PRRC2A: variants seen among roughly 807,000 people sequenced by gnomAD.
PRRC2A encodes the protein proline rich coiled-coil 2A.
In PRRC2A, 59 loss-of-function variants were observed where a neutral mutation model predicts 224.6. That is an observed-to-expected ratio of 0.26 (90% confidence interval 0.21 to 0.33). PRRC2A has a LOEUF of 0.33. Among genes scored for constraint, PRRC2A ranks in the 10% least tolerant of loss-of-function variants. The pLI is 1.00. For synonymous variants in PRRC2A, 1,194 were observed against 1,109.5 expected (o/e 1.08, Z -1.51); for missense variants, 3,095 against 2,880.7 (o/e 1.07, Z -1.70).
In PRRC2A at chr6:31,629,572, C is replaced by T; in HGVS notation, c.1981C>T (p.Gln661Ter). Reference protein sequence around the residue: ...QQEQLLKQQQQHQWQQHQQGS... With the variant: ...QQEQLLKQQQ ...GGAGCAGCTCCTGAAGCAGCAGCAG[C>T]AGCACCAGTGGCAGCAGCATCAACA... is the stretch of plus-strand genomic sequence containing the variant. The change falls in exon 14 of 31, where the codon CAG (glutamine) becomes TAG (stop). Residue 661 changes from glutamine (Q) to a stop codon, truncating the protein, a stop_gained. Transcript: ENST00000376033. LOFTEE classifies it high-confidence loss of function. 1 of 1,597,374 alleles carries T rather than the reference C, an allele frequency of 6.3e-7. No homozygotes were observed. The highest frequency in any genetic ancestry group is 8.6e-7 in the Non-Finnish European group (1 of 1,165,732).
At position 31,637,496 on chromosome 6, in the gene PRRC2A, A is replaced by G. The variant is rs1320604504; in HGVS notation, c.6384A>G (p.Thr2128=). 1.3e-6 allele frequency: 2 copies of G among 1,574,236 alleles called. No individual in the cohort carries two copies. Among genetic ancestry groups the G allele is most frequent in the Admixed American group, 1.8e-5 (1 of 54,214 alleles). The part of the protein sequence containing the change: ...LRWIPKPWER[T]GPPPREGPSR... ...GGATACCTAAGCCTTGGGAGCGGAC[A>G]GGGCCGCCACCTCGAGAAGGGCCCT... is the stretch of plus-strand genomic sequence containing the variant. Residue 2128 remains threonine (T), a synonymous_variant, in exon 31 of 31, where the codon ACA becomes ACG. Transcript: ENST00000376033.
In PRRC2A at chr6:31,628,016, C is replaced by T. The variant is rs1041600325; in HGVS notation, c.1542C>T (p.Ala514=). Residue 514 remains alanine (A), a synonymous_variant, in exon 12 of 31, where the codon GCC becomes GCT. Coordinates refer to ENST00000376033, the MANE Select transcript of PRRC2A (RefSeq NM_004638.4). The part of the protein sequence containing the change: ...LKAEPAAPPA[A]PSTPAPPPAV... ...CAGAGCCTGCTGCCCCACCTGCTGC[C>T]CCTTCTACCCCAGCTCCACCACCTG... 2.5e-6 allele frequency: 4 copies of T among 1,602,462 alleles called. No individual in the cohort carries two copies. The Admixed American group carries it at 5.1e-5, about 21-fold the overall frequency.
chr6:31,634,182 A>G (rs1777039265), intron 18 of PRRC2A, 54 bp from the exon 19 acceptor site: 5 of 1,571,498 alleles, frequency 3.2e-6, no homozygotes, highest in Non-Finnish European at 4.3e-6. Flanking sequence ...GGCTTCCTAT[A>G]ATTCCCAATT....
rs1775981606 is a variant in PRRC2A at position 31,626,986 on chromosome 6, G to T, written c.1078G>T (p.Asp360Tyr). The change falls in exon 11 of 31, where the codon GAT becomes TAT. Residue 360 changes from aspartate (D) to tyrosine (Y), a missense_variant. By Grantham distance (160) the Asp-to-Tyr change is radical (BLOSUM62 -3). Around this residue, in one of 8 missense-constraint regions of PRRC2A, gnomAD observed 2,001 missense variants for 1,764.9 expected, o/e 1.13. Transcript: ENST00000376033. ...SDEEGAEGHR[D>Y]SQSASGEERP... ...TCACTGTTGATCTGCTCACAGCAGG[G>T]ATTCCCAATCAGCTTCTGGTGAGGA... 1.2e-6 allele frequency: 2 copies of T among 1,614,080 alleles called. No homozygotes were observed. Among genetic ancestry groups the T allele is most frequent in the African/African-American group, 1.3e-5 (1 of 74,904 alleles).
rs1253174844 is a variant in PRRC2A at position 31,631,290 on chromosome 6, G to A, written c.2617G>A (p.Val873Met). 1.2e-6 allele frequency: 2 copies of A among 1,612,004 alleles called. No homozygotes were observed. The highest frequency in any genetic ancestry group is 1.7e-6 in the Non-Finnish European group (2 of 1,179,670). ...PLPWPPGSDEVAKIQTPPPKK... is the reference protein window; with the variant it reads ...PLPWPPGSDEMAKIQTPPPKK... ...CCCCTGGCCCCCAGGCAGTGATGAAGTGGCCAAGATACAAACTCCACCACC... is the reference window on the plus strand; with the variant it reads ...CCCCTGGCCCCCAGGCAGTGATGAAATGGCCAAGATACAAACTCCACCACC... The change falls in exon 16 of 31, where the codon GTG (valine) becomes ATG (methionine). Residue 873 changes from valine (V) to methionine (M), a missense_variant. By Grantham distance (21) the Val-to-Met change is conservative. This residue lies in a region of PRRC2A where 2,001 missense variants were observed against 1,764.9 expected (regional missense o/e 1.13). Transcript: ENST00000376033. The surrounding 1 kb of genome is among the most constrained non-coding windows in gnomAD (Gnocchi z 4.5).
chr6:31,629,636 C>G lies in PRRC2A; in HGVS notation c.2045C>G (p.Pro682Arg), dbSNP rs771665336. Residue 682 changes from proline to arginine, a missense_variant, in exon 14 of 31, where the codon CCA becomes CGA. Transcript: ENST00000376033. ...APPTPVPPSP[P>R]QPVTLGAVPA... ...CCTACCCCAGTGCCCCCATCACCAC[C>G]ACAGCCTGTGACCCTGGGGGCTGTG... The G allele has an allele frequency of 1.2e-6, 2 of 1,612,436 alleles. No homozygotes were observed. The highest frequency in any genetic ancestry group is 1.7e-6 in the Non-Finnish European group (2 of 1,179,560).
In PRRC2A at chr6:31,623,820, C is replaced by T. The variant is rs375345996; in HGVS notation, c.201C>T (p.Ala67=). The T allele has an allele frequency of 2.4e-5, 38 of 1,614,038 alleles. No homozygotes were observed. The highest frequency in any genetic ancestry group is 2.7e-5 in the African/African-American group (2 of 74,898). ...PPPANLPSLK[A]ENKGNDPNVS... ...CAGCCAACCTTCCAAGCCTGAAAGC[C>T]GAGAACAAAGGCAATGACCCCAATG... Residue 67 remains alanine, a synonymous_variant, in exon 3 of 31, where the codon GCC becomes GCT. Coordinates refer to ENST00000376033, the MANE Select transcript of PRRC2A (RefSeq NM_004638.4).
At chr6:31,622,931 G>T (rs972630980) in intron 2 of PRRC2A, 30 bp downstream of exon 2, 51 of 1,570,760 alleles carry the variant, frequency 3.2e-5, no homozygotes, top group Non-Finnish European at 4.4e-5. Context: ...GCTTCTGATG[G>T]TTGAAAGCTA....
Position 31,621,916 on chromosome 6 carries a change from C to T in PRRC2A, c.-100-774C>T, listed in dbSNP as rs1248466323. On this transcript the variant is annotated intron_variant, in intron 1 of 30. Transcript: ENST00000376033. The stretch of plus-strand genomic sequence containing the variant: ...AAACGAAGATGGCTCTGGCCTTGGC[C>T]CTCTGTTTTCTGGCCCATGGTTACA... Among the ~76,000 whole-genome samples the T allele has an allele frequency of 3.3e-5, 5 of 152,190 alleles. No individual in the cohort carries two copies. The East Asian group carries it at 9.6e-4, about 29-fold the overall frequency.
At position 31,635,435 on chromosome 6, in the gene PRRC2A, A is replaced by G. The variant is rs201990416; in HGVS notation, c.5343A>G (p.Ala1781=). 7 of 1,614,134 alleles carry G rather than the reference A, an allele frequency of 4.3e-6. No individual in the cohort carries two copies. The African/African-American group carries it at 5.3e-5, about 12-fold the overall frequency. ...LRLVVGDSLK[A]EKELTASVTE... ...TAGTGGTAGGAGACAGCTTGAAAGC[A>G]GAGAAGGAGCTAACAGCATCAGTCA... Residue 1781 remains alanine (A), a synonymous_variant, in exon 23 of 31, where the codon GCA becomes GCG. Coordinates refer to ENST00000376033, the MANE Select transcript of PRRC2A (RefSeq NM_004638.4).
chr6:31,621,690 A>G (rs974518818), intron 1 of PRRC2A, among the ~76,000 whole-genome samples: 5 of 151,890 alleles, frequency 3.3e-5, no homozygotes, highest in East Asian at 1.9e-4. Context: ...TTTCTCCCCA[A>G]TTTTAGCTTT....
chr6:31,626,972 C>T lies in PRRC2A; in HGVS notation c.1074-10C>T, dbSNP rs546061995. 23 of 1,614,040 alleles carry T rather than the reference C, an allele frequency of 1.4e-5. No homozygotes were observed. Among genetic ancestry groups the T allele is most frequent in the Non-Finnish European group, 1.9e-5 (22 of 1,180,014 alleles). On this transcript the variant is annotated splice_polypyrimidine_tract_variant and intron_variant, in intron 10 of 30. Coordinates refer to ENST00000376033, the MANE Select transcript of PRRC2A (RefSeq NM_004638.4). ...AGCTGATTTTAATTTCACTGTTGAT[C>T]TGCTCACAGCAGGGATTCCCAATCA...
Position 31,631,003 on chromosome 6 carries a change from C to A in PRRC2A, c.2466-136C>A. The stretch of plus-strand genomic sequence containing the variant: ...CCCAGCAGTTCGAGACTAGCCTCGG[C>A]AACTGGATGCCATCTCTGCCAAAAC... On this transcript the variant is annotated intron_variant, in intron 15 of 30. Transcript: ENST00000376033. This position sits in a 1 kb window ranked among gnomAD's most constrained non-coding sequence, Gnocchi z 4.5. The A allele has an allele frequency of 2.5e-6, 3 of 1,213,394 alleles. No individual in the cohort carries two copies. The highest frequency in any genetic ancestry group is 3.4e-6 in the Non-Finnish European group (3 of 876,610). 75.2% of individuals were successfully genotyped at this position (1,213,394 alleles called of 1,614,324 possible). A position where few individuals can be genotyped will look rare whatever the true frequency, so the allele number is the denominator to read the frequency against.
In PRRC2A at chr6:31,629,307, G is replaced by A; in HGVS notation, c.1929G>A (p.Leu643=). The A allele has an allele frequency of 1.3e-6, 2 of 1,574,780 alleles. No individual in the cohort carries two copies. Among genetic ancestry groups the A allele is most frequent in the Non-Finnish European group, 1.7e-6 (2 of 1,161,030 alleles). ...GLGYPKYQKS[L]PPRFQRQQQE... ...GCTACCCCAAATATCAGAAGTCGTT[G>A]CCTCCTCGTTTCCAGCGGCAGCAGC... Residue 643 remains leucine (L), a synonymous_variant, in exon 13 of 31, where the codon TTG becomes TTA. Transcript: ENST00000376033.
At chr6:31,633,022 T>TAA in intron 16 of PRRC2A, 30 bp downstream of exon 16, 1 of 1,478,940 alleles carries the variant, frequency 6.8e-7, no homozygotes, top group South Asian at 1.3e-5. Flanking sequence ...TTTATTGTGG[T>TAA]TTAAAAATTG....
rs756776465 is a variant in PRRC2A at position 31,625,207 on chromosome 6, G to A, written c.500G>A (p.Arg167Gln). The part of the protein sequence containing the change: ...RASSLLSRFS[R>Q]EEFPTLQAAG... ...TCAAGCCTACTGTCACGATTCTCTC[G>A]AGAGGAATTTCCGACCCTGCAGGCG... is the stretch of plus-strand genomic sequence containing the variant. Residue 167 changes from arginine (R) to glutamine (Q), a missense_variant, in exon 6 of 31, where the codon CGA becomes CAA. Physicochemically the swap from Arg to Gln is conservative, Grantham distance 43. Around this residue, in one of 8 missense-constraint regions of PRRC2A, gnomAD observed 287 missense variants for 275.3 expected, o/e 1.04. Coordinates refer to ENST00000376033, the MANE Select transcript of PRRC2A (RefSeq NM_004638.4). This position sits in a 1 kb window ranked among gnomAD's most constrained non-coding sequence, Gnocchi z 4.1. 1.7e-5 allele frequency: 28 copies of A among 1,612,950 alleles called. No homozygotes were observed. The highest frequency in any genetic ancestry group is 2.2e-5 in the Non-Finnish European group (26 of 1,180,016).
intron 18 of PRRC2A, 58 bp downstream of exon 18, chr6:31,634,047 G>A: frequency 6.3e-7 from 1 of 1,585,886 alleles, no homozygotes; most frequent in Non-Finnish European, 8.5e-7. Context: ...AAATTCTTCT[G>A]GGTTATGTTT....
chr6:31,626,958 A>AT, intron 10 of PRRC2A, 24 bp from the exon 11 acceptor site: 2 of 1,613,952 alleles, frequency 1.2e-6, no homozygotes, highest in Non-Finnish European at 1.7e-6. Context: ...GCTGATTTTA[A>AT]TTTCACTGTT....
chr6:31,631,656 A>G lies in PRRC2A; in HGVS notation c.2983A>G (p.Lys995Glu), dbSNP rs982141650. The change falls in exon 16 of 31, where the codon AAG becomes GAG. Residue 995 changes from lysine (K) to glutamate (E), a missense_variant. Physicochemically the swap from Lys to Glu is moderately conservative, Grantham distance 56. This residue lies in a region of PRRC2A where 2,001 missense variants were observed against 1,764.9 expected (regional missense o/e 1.13). Transcript: ENST00000376033. The surrounding 1 kb of genome is among the most constrained non-coding windows in gnomAD (Gnocchi z 4.5). ...KITKGKLGGP[K>E]ETPPNGNLSP... is the part of the protein sequence containing the mutation. ...AACCAAGGGGAAGCTAGGGGGCCCC[A>G]AGGAGACCCCACCCAATGGAAATCT... 9.2e-6 allele frequency: 14 copies of G among 1,516,298 alleles called. No homozygotes were observed. Among genetic ancestry groups the G allele is most frequent in the Non-Finnish European group, 1.2e-5 (14 of 1,134,608 alleles). 93.9% of individuals were successfully genotyped at this position (1,516,298 alleles called of 1,614,324 possible). A position where few individuals can be genotyped will look rare whatever the true frequency, so the allele number is the denominator to read the frequency against.
Sources: allele counts gnomAD v4.1 joint callset (sites outside exome capture counted in the v4.1 genomes callset), GRCh38; gene constraint gnomAD v4.1.1; regional missense constraint gnomAD v4.1.1; non-coding constraint Gnocchi (gnomAD v3.1); transcripts MANE v1.5; gene names NCBI Gene and HGNC (gene_info 2026-07-23, HGNC 2026-07-21).